PHF14: variants seen among roughly 807,000 people sequenced by gnomAD.
PHF14 encodes PHD finger protein 14.
In PHF14, 55 loss-of-function variants were observed where a neutral mutation model predicts 117.9. That is an observed-to-expected ratio of 0.47 (90% CI 0.38 to 0.58). The LOEUF is 0.58. Among genes scored for constraint, PHF14 ranks in the 20% least tolerant of loss-of-function variants. The pLI is 0.00. For synonymous variants in PHF14, 409 were observed against 368.6 expected (o/e 1.11, Z -1.26); for missense variants, 978 against 1,122.2 (o/e 0.87, Z 1.84).
intron 17 of PHF14, among the ~76,000 whole-genome samples, chr7:11,141,118 G>A (rs79199561): frequency 0.018 from 2,776 of 152,212 alleles, 38 homozygotes; most frequent in Middle Eastern, 0.044. Context: ...ATCAGGGAAT[G>A]AATTGGTTCT....
At chr7:11,007,604 T>A (rs2128314608) in intron 4 of PHF14, among the ~76,000 whole-genome samples, 1 of 152,292 alleles carries the variant, frequency 6.6e-6, no homozygotes, top group South Asian at 2.1e-4. Flanking sequence ...ATGCAATTTT[T>A]AAAAAACATG....
intron 2 of PHF14, among the ~76,000 whole-genome samples, chr7:10,975,946 A>G (rs1036030057): frequency 4.6e-5 from 7 of 152,188 alleles, no homozygotes; most frequent in Non-Finnish European, 1.0e-4. Context: ...AGTAGCATCA[A>G]CAGCAGAATT....
At chr7:11,051,881 A>G (rs1008524536) in intron 14 of PHF14, 101 bp downstream of exon 14, 3 of 920,940 alleles carry the variant, frequency 3.3e-6, no homozygotes, top group South Asian at 1.9e-5. Flanking sequence ...GAAGTCAAAG[A>G]AAAAGACATC....
chr7:11,059,460 A>G (rs1785133088), intron 14 of PHF14, among the ~76,000 whole-genome samples: 1 of 152,166 alleles, frequency 6.6e-6, no homozygotes, highest in Non-Finnish European at 1.5e-5. Context: ...GATATTGGTT[A>G]CTAATTTGGA....
chr7:11,091,184 C>G (rs1394120693), intron 16 of PHF14, among the ~76,000 whole-genome samples: 1 of 152,010 alleles, frequency 6.6e-6, no homozygotes, highest in East Asian at 1.9e-4. Context: ...AGTAGAAATG[C>G]AAAGGATTAG....
chr7:11,023,437 G>A lies in PHF14; in HGVS notation c.1317+458G>A, dbSNP rs1783801015. ...TAGATGGTGAACTTAATTGATATAT[G>A]TTATGTGTGTTCTGACTGCTTCACC... On this transcript the variant is annotated intron_variant, in intron 6 of 17. Transcript: ENST00000634607. 3.9e-5 allele frequency among the ~76,000 whole-genome samples: 6 copies of A among 152,284 alleles called. No individual in the cohort carries two copies. The South Asian group carries it at 1.2e-3, about 32-fold the overall frequency.
chr7:11,121,415 C>A (rs962801775), intron 17 of PHF14, among the ~76,000 whole-genome samples: 4 of 152,158 alleles, frequency 2.6e-5, no homozygotes, highest in African/African-American at 9.6e-5. Flanking sequence ...GCTACTAATT[C>A]TTTTCTTTTA....
intron 17 of PHF14, among the ~76,000 whole-genome samples, chr7:11,133,402 A>T (rs1052969642): frequency 2.0e-5 from 3 of 151,990 alleles, no homozygotes; most frequent in African/African-American, 7.2e-5. Context: ...ACATAAGTAT[A>T]GTTAACTGAT....
intron 4 of PHF14, chr7:11,006,673 T>C: frequency 1.6e-6 from 1 of 624,202 alleles, no homozygotes; most frequent in Non-Finnish European, 3.0e-6. Flanking sequence ...TTGTTTCTCC[T>C]GGGGGAGCTC....
chr7:11,006,995 T>C (rs1644039976), intron 4 of PHF14: 1 of 356,026 alleles, frequency 2.8e-6, no homozygotes, highest in Admixed American at 3.8e-5. Context: ...GTTAATGTGG[T>C]GAAACTCCCT....
chr7:11,109,420 A>G (rs1787370025), intron 16 of PHF14: 1 of 151,872 alleles, frequency 6.6e-6, no homozygotes, highest in African/African-American at 2.4e-5. Context: ...ATTATATTTA[A>G]TATGTTTATT....
At chr7:11,146,853 T>C (rs771572123) in intron 17 of PHF14, among the ~76,000 whole-genome samples, 17 of 152,298 alleles carry the variant, frequency 1.1e-4, no homozygotes, top group Admixed American at 2.6e-4. Flanking sequence ...TATTTACTTA[T>C]GTATTTATTT....
At chr7:10,990,092 C>G (rs1171761774) in intron 3 of PHF14, among the ~76,000 whole-genome samples, 1 of 152,082 alleles carries the variant, frequency 6.6e-6, no homozygotes, top group African/African-American at 2.4e-5. Context: ...ATTCATATAC[C>G]TACGCAGGCT....
Position 11,061,780 on chromosome 7 carries a change from T to TG in PHF14, c.2482-11_2482-10insG. On this transcript the variant is annotated splice_polypyrimidine_tract_variant and intron_variant, in intron 14 of 17. Transcript: ENST00000634607. ...TTTTTGTTTTTTGTTTTTTTTTTTG[T>TG]TTTTTTCCAGAGAACCAGAGGACGA... 1 of 1,495,324 alleles carries TG rather than the reference T, an allele frequency of 6.7e-7. No individual in the cohort carries two copies. The highest frequency in any genetic ancestry group is 1.4e-5 in the South Asian group (1 of 72,688). The allele number at this position is 1,495,324 out of a possible 1,614,324, so 92.6% of individuals were successfully genotyped here.
intron 14 of PHF14, among the ~76,000 whole-genome samples, chr7:11,055,423 C>G (rs1337095725): frequency 6.6e-6 from 1 of 152,120 alleles, no homozygotes; most frequent in African/African-American, 2.4e-5. Flanking sequence ...TTTACACACA[C>G]GCATGCATCA....
chr7:11,014,678 A>G (rs1583367264), intron 5 of PHF14, among the ~76,000 whole-genome samples: 1 of 152,172 alleles, frequency 6.6e-6, no homozygotes, highest in Admixed American at 6.5e-5. Context: ...TTGAGTTTAT[A>G]GCTCCCTCTA....
At chr7:11,048,307 T>G (rs1206743349) in intron 13 of PHF14, among the ~76,000 whole-genome samples, 1 of 152,134 alleles carries the variant, frequency 6.6e-6, no homozygotes, top group African/African-American at 2.4e-5. Context: ...GCGTGGTGGC[T>G]CACGCCTGAA....
rs772474885 is a variant in PHF14 at position 10,974,290 on chromosome 7, A to T, written c.-34A>T. Reference sequence around the variant, plus strand: ...CCTGGGCTCCTGCAGCCTCTCCCTAAGTCTTCTCCAAACGACCACCTCACG... The same window carrying T: ...CCTGGGCTCCTGCAGCCTCTCCCTATGTCTTCTCCAAACGACCACCTCACG... On this transcript the variant is annotated 5_prime_UTR_variant, in exon 1 of 18. It adds an upstream start codon to the 5' untranslated region. Transcript: ENST00000634607. 2 of 1,580,878 alleles carry T rather than the reference A, an allele frequency of 1.3e-6. No individual in the cohort carries two copies. The highest frequency in any genetic ancestry group is 1.8e-5 in the Admixed American group (1 of 56,504).
At chr7:11,081,720 G>T (rs1450588504) in intron 16 of PHF14, among the ~76,000 whole-genome samples, 1 of 151,952 alleles carries the variant, frequency 6.6e-6, no homozygotes, top group Non-Finnish European at 1.5e-5. Flanking sequence ...GCGGGGTGTG[G>T]TGGCACGTGC....
Sources: allele counts gnomAD v4.1 joint callset (sites outside exome capture counted in the v4.1 genomes callset), GRCh38; gene constraint gnomAD v4.1.1; transcripts MANE v1.5; gene names NCBI Gene and HGNC (gene_info 2026-07-23, HGNC 2026-07-21).